Variants in SDK1 observed in about 807,000 individuals in gnomAD.
SDK1 encodes protein sidekick-1.
In SDK1, 157 loss-of-function variants were observed where a neutral mutation model predicts 245.5. The observed-to-expected ratio is 0.64, with a 90% CI of 0.56 to 0.73. SDK1 has a LOEUF of 0.73. Among genes scored for constraint, SDK1 ranks in the 30% least tolerant of loss-of-function variants. The pLI is 0.00. For missense variants in SDK1, 3,583 were observed against 3,002.3 expected (o/e 1.19, Z -4.52); for synonymous variants, 1,647 against 1,278.5 (o/e 1.29, Z -6.15).
At chr7:3,927,173 TC>T (rs1487853607) in intron 5 of SDK1, among the ~76,000 whole-genome samples, 2 of 152,142 alleles carry the variant, frequency 1.3e-5, no homozygotes, top group Non-Finnish European at 2.9e-5. Flanking sequence ...CTGAACCAGG[TC>T]TGACGTCATC....
At chr7:3,899,551 C>T (rs1432508210) in intron 5 of SDK1, among the ~76,000 whole-genome samples, 3 of 152,208 alleles carry the variant, frequency 2.0e-5, no homozygotes, top group African/African-American at 7.2e-5. Flanking sequence ...CTCAGCTGTC[C>T]CCGGGTGCAG....
intron 1 of SDK1, among the ~76,000 whole-genome samples, chr7:3,495,626 TAAAAAC>T (rs1782000834): frequency 1.3e-5 from 2 of 152,172 alleles, no homozygotes; most frequent in South Asian, 4.1e-4. Flanking sequence ...TTACTCTTCT[TAAAAAC>T]AAAAGTAATG....
chr7:4,078,489 T>G (rs1434564157), intron 21 of SDK1, among the ~76,000 whole-genome samples: 1 of 152,170 alleles, frequency 6.6e-6, no homozygotes, highest in Non-Finnish European at 1.5e-5. Flanking sequence ...GATACTGAAT[T>G]GATCACCAAA....
At chr7:3,765,102 A>C (rs1255146750) in intron 4 of SDK1, among the ~76,000 whole-genome samples, 2 of 152,162 alleles carry the variant, frequency 1.3e-5, no homozygotes, top group African/African-American at 4.8e-5. Flanking sequence ...CTGTATAAGG[A>C]TACTGAGAGC....
intron 1 of SDK1, among the ~76,000 whole-genome samples, chr7:3,470,713 C>T (rs1745719556): frequency 6.6e-6 from 1 of 152,106 alleles, no homozygotes; most frequent in African/African-American, 2.4e-5. Flanking sequence ...AATAGGGTGC[C>T]AGCAGGAGAA....
intron 4 of SDK1, among the ~76,000 whole-genome samples, chr7:3,658,173 G>A (rs964795898): frequency 5.3e-5 from 8 of 152,154 alleles, no homozygotes; most frequent in Non-Finnish European, 8.8e-5. Flanking sequence ...TCCCCTCACA[G>A]GTGTTAAGAG....
At chr7:3,391,154 T>G (rs964022156) in intron 1 of SDK1, among the ~76,000 whole-genome samples, 8 of 152,138 alleles carry the variant, frequency 5.3e-5, no homozygotes, top group African/African-American at 1.9e-4. Flanking sequence ...GGGACAAAAA[T>G]GGACTAGAAG....
At chr7:3,725,423 G>A (rs1259837049) in intron 4 of SDK1, among the ~76,000 whole-genome samples, 1 of 152,136 alleles carries the variant, frequency 6.6e-6, no homozygotes, top group East Asian at 1.9e-4. Flanking sequence ...CTTGCAATCA[G>A]AACATTGTGT....
chr7:3,877,400 C>T (rs1226619449), intron 5 of SDK1, among the ~76,000 whole-genome samples: 1 of 152,210 alleles, frequency 6.6e-6, no homozygotes, highest in Non-Finnish European at 1.5e-5. Flanking sequence ...CATTGTTAAA[C>T]GTTCGACATC....
At chr7:3,668,941 C>A (rs74434436) in intron 4 of SDK1, among the ~76,000 whole-genome samples, 1 of 152,162 alleles carries the variant, frequency 6.6e-6, no homozygotes, top group Non-Finnish European at 1.5e-5. Flanking sequence ...CCCTGTGTGA[C>A]GTCATGGGAG....
intron 1 of SDK1, among the ~76,000 whole-genome samples, chr7:3,549,424 T>C (rs1779332295): frequency 1.3e-5 from 2 of 152,208 alleles, no homozygotes; most frequent in Admixed American, 1.3e-4. Context: ...TGAGTTGCTA[T>C]CTTAACTTAA....
intron 35 of SDK1, among the ~76,000 whole-genome samples, chr7:4,204,029 G>A (rs1026213694): frequency 1.3e-5 from 2 of 152,188 alleles, no homozygotes; most frequent in African/African-American, 4.8e-5. Flanking sequence ...GTTCCTACAG[G>A]CGGATATCCA....
intron 1 of SDK1, among the ~76,000 whole-genome samples, chr7:3,360,070 GGAGAA>G (rs764929545): frequency 2.2e-4 from 33 of 152,336 alleles, no homozygotes; most frequent in Non-Finnish European, 3.8e-4. Context: ...GTGAGGGACA[GGAGAA>G]GAGAAGTTTT....
intron 4 of SDK1, among the ~76,000 whole-genome samples, chr7:3,675,150 C>G (rs918043953): frequency 6.6e-6 from 1 of 152,204 alleles, no homozygotes; most frequent in Admixed American, 6.5e-5. Flanking sequence ...ACCTGCTCCA[C>G]CCATAGTCTA....
intron 1 of SDK1, among the ~76,000 whole-genome samples, chr7:3,564,346 C>G (rs144310297): frequency 1.3e-5 from 2 of 151,874 alleles, no homozygotes; most frequent in African/African-American, 4.8e-5. Context: ...AAATAAAATA[C>G]AGGACAATGC....
At chr7:4,074,931 TAATA>T (rs1780562938) in intron 20 of SDK1, among the ~76,000 whole-genome samples, 1 of 135,268 alleles carries the variant, frequency 7.4e-6, no homozygotes, top group Admixed American at 7.4e-5. Context: ...TTTTTTTTTT[TAATA>T]AAGTTAGGAA....
chr7:3,693,369 G>C (rs1383226662), intron 4 of SDK1, among the ~76,000 whole-genome samples: 2 of 151,818 alleles, frequency 1.3e-5, no homozygotes, highest in Non-Finnish European at 1.5e-5. Context: ...TCATTCTTTG[G>C]ACCAGTTTCA....
chr7:3,438,084 C>T (rs1022647180), intron 1 of SDK1, among the ~76,000 whole-genome samples: 8 of 152,166 alleles, frequency 5.3e-5, no homozygotes, highest in East Asian at 1.9e-4. Flanking sequence ...ACAGCTAACC[C>T]GCACCCCAGA....
At chr7:3,408,738 C>T (rs551386191) in intron 1 of SDK1, among the ~76,000 whole-genome samples, 1 of 152,234 alleles carries the variant, frequency 6.6e-6, no homozygotes, top group African/African-American at 2.4e-5. Context: ...TATTTATGAA[C>T]TGTATGTTTT....
Sources: gnomAD v4.1 joint callset for allele counts (sites outside exome capture counted in the v4.1 genomes callset) on GRCh38, gnomAD v4.1.1 for gene constraint, MANE v1.5 for transcripts, NCBI Gene and HGNC (gene_info 2026-07-23, HGNC 2026-07-21) for gene names.